The following IL7 variants were observed in gnomAD, a reference collection of about 807,000 sequenced individuals.
IL7 encodes the protein interleukin-7.
In IL7, 3 loss-of-function variants were observed where a neutral mutation model predicts 21.6. That is an observed-to-expected ratio of 0.14 (90% CI 0.06 to 0.36). The LOEUF is 0.36. Among genes scored for constraint, IL7 ranks in the 10% least tolerant of loss-of-function variants. The pLI is 1.00. For synonymous variants in IL7, 62 were observed against 68.1 expected (o/e 0.91, Z 0.44); for missense variants, 175 against 200.2 (o/e 0.87, Z 0.76).
downstream of IL7, among the ~76,000 whole-genome samples, chr8:78,715,896 C>T (rs536606434): frequency 1.2e-3 from 184 of 151,374 alleles, no homozygotes; most frequent in Non-Finnish European, 2.0e-3. Context: ...AAAAATTAGC[C>T]GGTTGTGGTG....
At chr8:78,734,442 TTC>T (rs1480343632) in intron 5 of IL7, among the ~76,000 whole-genome samples, 37 of 152,184 alleles carry the variant, frequency 2.4e-4, no homozygotes, top group African/African-American at 7.2e-4. Context: ...TCAGTTATAT[TTC>T]TCTGAGTCCT....
intron 2 of IL7, among the ~76,000 whole-genome samples, chr8:78,768,305 A>C (rs1211343520): frequency 4.3e-4 from 66 of 152,130 alleles, no homozygotes; most frequent in South Asian, 1.7e-3. Context: ...ATGGCTGGGT[A>C]AAATGGTATT....
intron 2 of IL7, among the ~76,000 whole-genome samples, chr8:78,771,325 A>C (rs1812945787): frequency 6.6e-6 from 1 of 152,112 alleles, no homozygotes; most frequent in Non-Finnish European, 1.5e-5. Context: ...AATAAAGGTT[A>C]TCCCATCTCT....
At chr8:78,740,149 A>G in intron 2 of IL7, 67 bp from the exon 3 acceptor site, 1 of 937,856 alleles carries the variant, frequency 1.1e-6, no homozygotes, top group Non-Finnish European at 1.4e-6. Context: ...GTAATTATAA[A>G]AAATAATAAT....
intron 2 of IL7, among the ~76,000 whole-genome samples, chr8:78,769,674 G>GA (rs1422901724): frequency 2.0e-5 from 3 of 152,008 alleles, no homozygotes; most frequent in Non-Finnish European, 2.9e-5. Context: ...CACAGAATTG[G>GA]AAAAAACTAC....
rs529040218 is a variant in IL7, at chr8:78,805,222, T to C, written c.-300A>G. ...GCGCTTGGTCTGCAGGTTCAATCTTTGGGATCATCAGCATGGAATCTTCAT... is the reference window on the plus strand; with the variant it reads ...GCGCTTGGTCTGCAGGTTCAATCTTCGGGATCATCAGCATGGAATCTTCAT... On this transcript the variant is annotated 5_prime_UTR_variant, in exon 1 of 6. Transcript: ENST00000263851. The C allele has an allele frequency of 2.9e-6, 1 of 347,456 alleles. No homozygotes were observed. The highest frequency in any genetic ancestry group is 6.8e-5 in the South Asian group (1 of 14,732). 21.5% of individuals were successfully genotyped at this position (347,456 alleles called of 1,614,324 possible).
intron 2 of IL7, among the ~76,000 whole-genome samples, chr8:78,785,050 T>C (rs1039785747): frequency 6.6e-6 from 1 of 152,152 alleles, no homozygotes; most frequent in Non-Finnish European, 1.5e-5. Flanking sequence ...TGCATTTAGA[T>C]GTGAAAAATC....
chr8:78,786,698 A>G (rs546811660), intron 2 of IL7, among the ~76,000 whole-genome samples: 1 of 152,272 alleles, frequency 6.6e-6, no homozygotes, highest in South Asian at 2.1e-4. Context: ...GTATGACTGT[A>G]TGTTTGGTCT....
intron 1 of IL7, among the ~76,000 whole-genome samples, chr8:78,801,092 T>C (rs757152876): frequency 5.9e-5 from 9 of 152,220 alleles, no homozygotes; most frequent in Admixed American, 2.6e-4. Flanking sequence ...TTTCTCAATT[T>C]TAAAACATAA....
At chr8:78,761,893 C>T (rs1812573853) in intron 2 of IL7, 3 of 1,611,186 alleles carry the variant, frequency 1.9e-6, no homozygotes, top group Non-Finnish European at 2.5e-6. Flanking sequence ...GTATGTTTTG[C>T]CTTCCCATCA....
intron 3 of IL7, among the ~76,000 whole-genome samples, chr8:78,725,088 C>T (rs931497250): frequency 1.7e-4 from 26 of 152,020 alleles, no homozygotes; most frequent in Non-Finnish European, 3.1e-4. Flanking sequence ...TGGTGAAACT[C>T]TCACTGCATC....
chr8:78,702,414 C>T (rs1810633520), intron 3 of IL7, among the ~76,000 whole-genome samples: 1 of 152,080 alleles, frequency 6.6e-6, no homozygotes, highest in African/African-American at 2.4e-5. Context: ...TTTTAAAAAG[C>T]AGCTCCTAGA....
At chr8:78,702,037 CAGT>C (rs1810622713) in intron 3 of IL7, among the ~76,000 whole-genome samples, 1 of 152,052 alleles carries the variant, frequency 6.6e-6, no homozygotes. Context: ...GGAATAATAT[CAGT>C]AGGAATTGTA....
At chr8:78,729,739 T>A (rs944789539), downstream of IL7, among the ~76,000 whole-genome samples, 2 of 152,048 alleles carry the variant, frequency 1.3e-5, no homozygotes, top group African/African-American at 4.8e-5. Context: ...TGATAGTATT[T>A]GGACCATTTC....
intron 2 of IL7, among the ~76,000 whole-genome samples, chr8:78,741,376 T>C (rs1006578615): frequency 6.6e-6 from 1 of 152,174 alleles, no homozygotes; most frequent in Non-Finnish European, 1.5e-5. Flanking sequence ...GACTTCCCCA[T>C]ACCCCAAGGA....
chr8:78,740,013 C>A lies in IL7; in HGVS notation c.217G>T (p.Asp73Tyr). The change falls in exon 3 of 6, where the codon GAT (aspartate) becomes TAT (tyrosine). Residue 73 changes from aspartate (D) to tyrosine (Y), a missense_variant. By Grantham distance (160) the Asp-to-Tyr change is radical (BLOSUM62 -3). Transcript: ENST00000263851. ...EFNFFKRHIC[D>Y]ANKEGMFLFR... ...ATAATTATCATTACCTTATTAGCAT[C>A]ACAGATATGTCTTTTAAAAAAGTTA... 1 of 1,535,554 alleles carries A rather than the reference C, an allele frequency of 6.5e-7. No individual in the cohort carries two copies. Among genetic ancestry groups the A allele is most frequent in the South Asian group, 1.3e-5 (1 of 76,786 alleles).
chr8:78,698,265 C>G (rs1586013097), intron 3 of IL7: 2 of 608,006 alleles, frequency 3.3e-6, no homozygotes, highest in East Asian at 3.1e-5. Context: ...ATGTCGTCCT[C>G]TGGAAATGCC....
At chr8:78,675,739 A>G (rs777544040), downstream of IL7, 6 of 1,474,474 alleles carry the variant, frequency 4.1e-6, no homozygotes, top group East Asian at 1.4e-4. Context: ...GTGAAGTTTC[A>G]CAATTTCAAG....
At chr8:78,755,100 A>G (rs1812305408) in intron 2 of IL7, among the ~76,000 whole-genome samples, 1 of 151,932 alleles carries the variant, frequency 6.6e-6, no homozygotes, top group South Asian at 2.1e-4. Flanking sequence ...TCATTTTCCC[A>G]TGTATGTTCT....
Sources: allele counts gnomAD v4.1 joint callset (sites outside exome capture counted in the v4.1 genomes callset), GRCh38; gene constraint gnomAD v4.1.1; transcripts MANE v1.5; gene names NCBI Gene and HGNC (gene_info 2026-07-23, HGNC 2026-07-21).